NUP155: variants seen among roughly 807,000 people sequenced by gnomAD.
The protein encoded by NUP155 is nucleoporin 155.
A neutral mutation model predicts 180.4 loss-of-function variants in NUP155; 71 were observed. The observed-to-expected ratio is 0.39, with a 90% confidence interval of 0.33 to 0.48. The LOEUF is 0.48. Among genes scored for constraint, NUP155 ranks in the 20% least tolerant of loss-of-function variants. NUP155 has a pLI of 0.91. For missense variants in NUP155, 1,553 were observed against 1,648.9 expected (o/e 0.94, Z 1.01); for synonymous variants, 582 against 559.5 (o/e 1.04, Z -0.57).
At chr5:37,313,551 G>T (rs1743670382) in intron 22 of NUP155, among the ~76,000 whole-genome samples, 1 of 151,722 alleles carries the variant, frequency 6.6e-6, no homozygotes. Flanking sequence ...CCCAGGCTGG[G>T]GTGCAGTGGC....
At chr5:37,367,626 G>A (rs1243295820) in intron 1 of NUP155, among the ~76,000 whole-genome samples, 1 of 138,374 alleles carries the variant, frequency 7.2e-6, no homozygotes, top group South Asian at 2.3e-4. Flanking sequence ...TCCGCCTCCC[G>A]GGTTCACACC....
chr5:37,320,307 G>A (rs774103881), intron 20 of NUP155, among the ~76,000 whole-genome samples: 1 of 151,954 alleles, frequency 6.6e-6, no homozygotes, highest in Non-Finnish European at 1.5e-5. Context: ...GAGAAACCCC[G>A]TCTCTACTAA....
In NUP155 at chr5:37,289,747, T is replaced by C. The variant is rs986810596; in HGVS notation, c.*2153A>G. The C allele has an allele frequency of 4.6e-5, 7 of 152,240 alleles. No individual in the cohort carries two copies. Among genetic ancestry groups the C allele is most frequent in the Admixed American group, 6.5e-5 (1 of 15,278 alleles). The allele number at this position is 152,240 out of a possible 1,614,324, so 9.4% of individuals were successfully genotyped here. A position where few individuals can be genotyped will look rare whatever the true frequency, so the allele number is the denominator to read the frequency against. On this transcript the variant is annotated 3_prime_UTR_variant, in exon 35 of 35. Coordinates refer to ENST00000231498, the MANE Select transcript of NUP155 (RefSeq NM_153485.3). ...TATATATAACAACATATTGCTAGTA[T>C]GTAAATGTGCTTAAAACAAAAATGA... is the stretch of plus-strand genomic sequence containing the variant.
At chr5:37,322,926 T>C (rs1272239441) in intron 20 of NUP155, among the ~76,000 whole-genome samples, 5 of 148,642 alleles carry the variant, frequency 3.4e-5, no homozygotes, top group Admixed American at 2.0e-4. Flanking sequence ...TGAGCCGAGA[T>C]TGCACCATTG....
intron 25 of NUP155, among the ~76,000 whole-genome samples, 163 bp from the exon 26 acceptor site, chr5:37,305,373 C>T (rs62354994): frequency 1.9e-3 from 264 of 142,132 alleles, no homozygotes; most frequent in Admixed American, 3.4e-3. Flanking sequence ...AGCGGGACCA[C>T]GTCTCTACAA....
intron 22 of NUP155, 137 bp downstream of exon 22, chr5:37,314,061 G>T: frequency 1.5e-6 from 1 of 650,502 alleles, no homozygotes. Context: ...CTTTTTTTGT[G>T]CCATCTTCCC....
At chr5:37,316,825 C>T (rs1209647436) in intron 21 of NUP155, among the ~76,000 whole-genome samples, 1 of 150,236 alleles carries the variant, frequency 6.7e-6, no homozygotes, top group Non-Finnish European at 1.5e-5. Flanking sequence ...GTAATGGGTA[C>T]ATAAAATGAA....
At chr5:37,354,985 G>A (rs1224713903) in intron 4 of NUP155, among the ~76,000 whole-genome samples, 4 of 151,408 alleles carry the variant, frequency 2.6e-5, no homozygotes, top group African/African-American at 7.3e-5. Flanking sequence ...CCAGCTACTC[G>A]GGAGGCTGAG....
At position 37,324,006 on chromosome 5, in the gene NUP155, T is replaced by C; in HGVS notation, c.2193A>G (p.Pro731=). Residue 731 remains proline, a synonymous_variant, in exon 20 of 35, where the codon CCA becomes CCG. Transcript: ENST00000231498. ...TTTATTCTTACTTTGGATTTCCTAA[T>C]GGTCCTCCTGCAAACTGGGAGTTTC... is the stretch of plus-strand genomic sequence containing the variant. ...LDRNSQFAGG[P]LGNPNTTAKV... The C allele has an allele frequency of 1.2e-6, 2 of 1,605,068 alleles. No homozygotes were observed. Among genetic ancestry groups the C allele is most frequent in the Non-Finnish European group, 1.7e-6 (2 of 1,171,760 alleles).
chr5:37,298,795 G>A (rs1052953303), intron 32 of NUP155, 73 bp downstream of exon 32: 12 of 820,272 alleles, frequency 1.5e-5, no homozygotes, highest in African/African-American at 1.0e-4. Flanking sequence ...TCGAAAGATC[G>A]TTATTTGTCC....
chr5:37,360,998 G>C (rs916859177), intron 3 of NUP155, among the ~76,000 whole-genome samples: 2 of 152,096 alleles, frequency 1.3e-5, no homozygotes, highest in African/African-American at 2.4e-5. Context: ...GCTGGGTGCG[G>C]TGGCTCATGC....
chr5:37,337,830 C>T lies in NUP155; in HGVS notation c.1335G>A (p.Met445Ile). The T allele has an allele frequency of 6.2e-7, 1 of 1,602,760 alleles. No individual in the cohort carries two copies. Among genetic ancestry groups the T allele is most frequent in the Middle Eastern group, 1.7e-4 (1 of 6,032 alleles). The part of the protein sequence containing the change: ...NHDTFPFQKP[M>I]METQMTAGVD... ...CAGGATAACTTACCTGGGTTTCCAT[C>T]ATTGGCTTTTGGAAAGGAAAAGTAT... The change falls in exon 12 of 35, where the codon ATG becomes ATA. Residue 445 changes from methionine (M) to isoleucine (I), a missense_variant. By Grantham distance (10) the Met-to-Ile change is conservative. Transcript: ENST00000231498.
chr5:37,352,174 A>T (rs1303674731), intron 5 of NUP155, among the ~76,000 whole-genome samples: 1 of 152,096 alleles, frequency 6.6e-6, no homozygotes, highest in East Asian at 1.9e-4. Flanking sequence ...TGGCCAACAC[A>T]GTAAAACCCT....
intron 4 of NUP155, among the ~76,000 whole-genome samples, chr5:37,355,364 C>A (rs756886048): frequency 1.3e-5 from 2 of 151,488 alleles, no homozygotes; most frequent in Non-Finnish European, 2.9e-5. Context: ...AAAAATTAGC[C>A]GGGAATGGTG....
intron 1 of NUP155, among the ~76,000 whole-genome samples, chr5:37,368,271 G>A (rs979832399): frequency 1.4e-4 from 20 of 142,162 alleles, no homozygotes; most frequent in South Asian, 1.1e-3. Context: ...CCAGGCTGGA[G>A]TGCAGCGGCG....
At position 37,318,055 on chromosome 5, in the gene NUP155, T is replaced by C. The variant is rs1297997109; in HGVS notation, c.2238A>G (p.Ile746Met). 6.2e-7 allele frequency: 1 copy of C among 1,611,790 alleles called. No individual in the cohort carries two copies. Residue 746 changes from isoleucine (I) to methionine (M), a missense_variant, in exon 21 of 35, where the codon ATA becomes ATG. Transcript: ENST00000231498. ...NTTAKVQQRLIGFMRPENGNP... is the reference protein window; with the variant it reads ...NTTAKVQQRLMGFMRPENGNP... Reference sequence around the variant, plus strand: ...TTCCGTTTTCAGGACGCATGAATCCTATCAGCCTCTGCTGCACTTTAGCAG... The same window carrying C: ...TTCCGTTTTCAGGACGCATGAATCCCATCAGCCTCTGCTGCACTTTAGCAG...
intron 7 of NUP155, 56 bp from the exon 8 acceptor site, chr5:37,349,301 G>C: frequency 1.8e-6 from 1 of 542,186 alleles, no homozygotes; most frequent in South Asian, 2.1e-5. Context: ...GATTAACAAA[G>C]CAAATACATT....
At chr5:37,340,442 CA>C (rs527845158) in intron 11 of NUP155, among the ~76,000 whole-genome samples, 4,560 of 127,964 alleles carry the variant, frequency 0.036, 209 homozygotes, top group African/African-American at 0.12. Context: ...CAGACCACCT[CA>C]AAAAAAAAAA....
At chr5:37,296,185 G>C (rs1742555892) in intron 32 of NUP155, among the ~76,000 whole-genome samples, 2 of 152,220 alleles carry the variant, frequency 1.3e-5, no homozygotes, top group African/African-American at 4.8e-5. Flanking sequence ...GTGCCCAACA[G>C]CTCATTGAGA....
Sources: gnomAD v4.1 joint callset for allele counts (sites outside exome capture counted in the v4.1 genomes callset) on GRCh38, gnomAD v4.1.1 for gene constraint, MANE v1.5 for transcripts, NCBI Gene and HGNC (gene_info 2026-07-23, HGNC 2026-07-21) for gene names.